RXFP1: variants seen among roughly 807,000 people sequenced by gnomAD.
RXFP1 encodes relaxin receptor 1.
In RXFP1, 73 loss-of-function variants were observed where a neutral mutation model predicts 89.8. The ratio of observed to expected loss-of-function variants is 0.81; its 90% CI spans 0.67 to 0.99. The LOEUF (loss-of-function observed/expected upper bound fraction) is 0.99. Among genes scored for constraint, RXFP1 ranks in the 50% least tolerant of loss-of-function variants. RXFP1 has a pLI of 0.00. For synonymous variants in RXFP1, 277 were observed against 305.5 expected (o/e 0.91, Z 0.97); for missense variants, 793 against 895.5 (o/e 0.89, Z 1.46).
chr4:158,628,325 A>G (rs1767324106), intron 10 of RXFP1, among the ~76,000 whole-genome samples: 1 of 152,182 alleles, frequency 6.6e-6, no homozygotes, highest in Non-Finnish European at 1.5e-5. Flanking sequence ...GACAAGTCTA[A>G]AACAGCTCCT....
At chr4:158,548,076 T>A (rs1292738717) in intron 1 of RXFP1, among the ~76,000 whole-genome samples, 7 of 152,198 alleles carry the variant, frequency 4.6e-5, no homozygotes, top group African/African-American at 1.7e-4. Context: ...TATTATTATG[T>A]GGGAGCCTAA....
chr4:158,584,574 A>G (rs968946544), intron 2 of RXFP1, among the ~76,000 whole-genome samples: 4 of 152,232 alleles, frequency 2.6e-5, no homozygotes, highest in Non-Finnish European at 5.9e-5. Context: ...ATACCATTTA[A>G]CATGACATCA....
At chr4:158,590,245 A>T (rs1380519818) in intron 2 of RXFP1, among the ~76,000 whole-genome samples, 2 of 152,008 alleles carry the variant, frequency 1.3e-5, no homozygotes, top group African/African-American at 4.8e-5. Flanking sequence ...GCTCACTGCA[A>T]CCTCTGCCCC....
chr4:158,633,114 G>A (rs1254978418), intron 11 of RXFP1, among the ~76,000 whole-genome samples: 3 of 152,026 alleles, frequency 2.0e-5, no homozygotes, highest in Non-Finnish European at 2.9e-5. Flanking sequence ...AGGTTGTGGT[G>A]TGCCAAAATC....
chr4:158,543,130 C>CA (rs1747253245), intron 1 of RXFP1, among the ~76,000 whole-genome samples: 2 of 152,082 alleles, frequency 1.3e-5, no homozygotes, highest in African/African-American at 2.4e-5. Flanking sequence ...ACACACACAC[C>CA]TGCACACACT....
At chr4:158,541,054 C>T (rs1429670345) in intron 1 of RXFP1, among the ~76,000 whole-genome samples, 1 of 152,134 alleles carries the variant, frequency 6.6e-6, no homozygotes, top group Non-Finnish European at 1.5e-5. Flanking sequence ...CTGTAGACAG[C>T]AGTCAGCCAA....
chr4:158,534,096 G>C (rs973189327), intron 1 of RXFP1, among the ~76,000 whole-genome samples: 4 of 151,416 alleles, frequency 2.6e-5, no homozygotes, highest in African/African-American at 9.7e-5. Context: ...ACTCGATCAC[G>C]TTCTTCTCTA....
intron 9 of RXFP1, among the ~76,000 whole-genome samples, chr4:158,625,054 T>A (rs777541073): frequency 7.0e-6 from 1 of 143,756 alleles, no homozygotes; most frequent in Non-Finnish European, 1.5e-5. Context: ...CTCACCTCAT[T>A]AAGCGCATTT....
chr4:158,614,587 C>T (rs1425995085), intron 8 of RXFP1, among the ~76,000 whole-genome samples: 1 of 152,202 alleles, frequency 6.6e-6, no homozygotes, highest in Non-Finnish European at 1.5e-5. Flanking sequence ...CCTCTCTCAG[C>T]CTTCATAGAA....
chr4:158,565,208 C>T (rs1331445082), intron 1 of RXFP1, among the ~76,000 whole-genome samples: 3 of 152,168 alleles, frequency 2.0e-5, no homozygotes, highest in Admixed American at 1.3e-4. Context: ...AGAAAGCAAG[C>T]TTCTCTCACT....
At chr4:158,578,265 CT>C (rs1271058319) in intron 2 of RXFP1, among the ~76,000 whole-genome samples, 2 of 152,156 alleles carry the variant, frequency 1.3e-5, no homozygotes, top group Non-Finnish European at 2.9e-5. Flanking sequence ...CATTCTTCAT[CT>C]CTGCTCAGAA....
At chr4:158,602,781 T>A (rs1761929725) in intron 4 of RXFP1, among the ~76,000 whole-genome samples, 1 of 151,608 alleles carries the variant, frequency 6.6e-6, no homozygotes, top group Non-Finnish European at 1.5e-5. Context: ...TGAGACAGAG[T>A]CTCACTCTGT....
At chr4:158,565,755 A>G (rs1753424073) in intron 1 of RXFP1, among the ~76,000 whole-genome samples, 6 of 152,216 alleles carry the variant, frequency 3.9e-5, no homozygotes. Flanking sequence ...GAAATAAGTA[A>G]ATGAATAAAT....
At chr4:158,596,265 ATT>A (rs35626162) in intron 3 of RXFP1, among the ~76,000 whole-genome samples, 1 of 140,042 alleles carries the variant, frequency 7.1e-6, no homozygotes. Flanking sequence ...TTATTTCTTA[ATT>A]TTTTTTTTTT....
chr4:158,627,311 T>G (rs1428870721), intron 10 of RXFP1, among the ~76,000 whole-genome samples: 1 of 152,080 alleles, frequency 6.6e-6, no homozygotes, highest in Non-Finnish European at 1.5e-5. Flanking sequence ...AAAATCCAAC[T>G]CTCCTATTCA....
chr4:158,562,925 C>T (rs1028313775), intron 1 of RXFP1, among the ~76,000 whole-genome samples: 5 of 152,044 alleles, frequency 3.3e-5, no homozygotes, highest in African/African-American at 9.7e-5. Context: ...GCTAATATTC[C>T]TAAGTAGGGG....
At chr4:158,557,745 A>G (rs986419674) in intron 1 of RXFP1, among the ~76,000 whole-genome samples, 1 of 152,250 alleles carries the variant, frequency 6.6e-6, no homozygotes, top group Non-Finnish European at 1.5e-5. Context: ...GTATCACTAA[A>G]AGCGAGATGC....
intron 1 of RXFP1, among the ~76,000 whole-genome samples, chr4:158,529,243 T>TG (rs1169514005): frequency 3.0e-5 from 4 of 131,214 alleles, no homozygotes; most frequent in African/African-American, 1.5e-4. Flanking sequence ...CTTGCTTGTT[T>TG]TTTGTTGTTG....
chr4:158,563,420 G>T (rs1752885288), intron 1 of RXFP1, among the ~76,000 whole-genome samples: 1 of 151,486 alleles, frequency 6.6e-6, no homozygotes, highest in Non-Finnish European at 1.5e-5. Context: ...ATGTCTCAAA[G>T]ACCTCAAAGA....
Sources: gnomAD v4.1 joint callset for allele counts (sites outside exome capture counted in the v4.1 genomes callset) on GRCh38, gnomAD v4.1.1 for gene constraint, MANE v1.5 for transcripts, NCBI Gene and HGNC (gene_info 2026-07-23, HGNC 2026-07-21) for gene names.